The following B4GALT6 variants were observed in gnomAD, a reference collection of about 807,000 sequenced individuals.
B4GALT6 encodes the protein UDP-Gal:beta-GlcNAc beta-1,4-galactosyltransferase 6.
In B4GALT6, 14 loss-of-function variants were observed where a neutral mutation model predicts 46.3. The ratio of observed to expected loss-of-function variants is 0.30; its 90% confidence interval spans 0.20 to 0.47. The LOEUF (loss-of-function observed/expected upper bound fraction) is 0.47, where lower values mean the gene tolerates loss of function less well. Among genes scored for constraint, B4GALT6 ranks in the 20% least tolerant of loss-of-function variants. The probability of loss-of-function intolerance (pLI) is 0.99; values close to 1 mark genes in which losing one functional copy is unlikely to be tolerated. For synonymous variants in B4GALT6, 168 were observed against 162.0 expected (o/e 1.04, Z -0.28); for missense variants, 386 against 480.1 (o/e 0.80, Z 1.83).
Position 31,645,373 on chromosome 18 carries a change from G to A in B4GALT6, c.453C>T (p.Asp151=), listed in dbSNP as rs1045401991. ...ACCTCACCTTCCATCTGGGTTTACA[G>A]TCTTTTGGCCTCCAATGACCCCCTG... is the stretch of plus-strand genomic sequence containing the variant. ...IEPGGHWRPK[D]CKPRWKVAVL... The change falls in exon 4 of 9, where the codon GAC becomes GAT. Residue 151 remains aspartate, a synonymous_variant. Coordinates refer to ENST00000306851, the MANE Select transcript of B4GALT6 (RefSeq NM_004775.5). 1.2e-6 allele frequency: 2 copies of A among 1,613,622 alleles called. No individual in the cohort carries two copies.
At chr18:31,673,006 A>T (rs1217635237) in intron 1 of B4GALT6, among the ~76,000 whole-genome samples, 2 of 152,236 alleles carry the variant, frequency 1.3e-5, no homozygotes, top group Non-Finnish European at 2.9e-5. Context: ...AAAATAAGTG[A>T]TTAGCAAGGT....
At chr18:31,679,055 C>T (rs374109930) in intron 1 of B4GALT6, among the ~76,000 whole-genome samples, 1 of 152,220 alleles carries the variant, frequency 6.6e-6, no homozygotes, top group East Asian at 1.9e-4. Flanking sequence ...ACCTATTACA[C>T]ACAGACACTA....
In B4GALT6 at chr18:31,684,312, C is replaced by A; in HGVS notation, c.115G>T (p.Ala39Ser). The change falls in exon 1 of 9, where the codon GCC (alanine) becomes TCC (serine). Residue 39 changes from alanine to serine, a missense_variant and splice_region_variant. By Grantham distance (99) the Ala-to-Ser change is moderately conservative. Around this residue, in one of 2 missense-constraint regions of B4GALT6, gnomAD observed 323 missense variants for 438.9 expected, o/e 0.74. Transcript: ENST00000306851. ...AGCGAGGGTGTGTCTCGGTGCTTAC[C>A]GATGCCTGGGGCCACATAGATGAAG... ...LYFIYVAPGI[A>S]NTYLFMVQAR... 6.2e-7 allele frequency: 1 copy of A among 1,613,066 alleles called. No individual in the cohort carries two copies. Among genetic ancestry groups the A allele is most frequent in the South Asian group, 1.1e-5 (1 of 91,010 alleles).
chr18:31,702,285 T>C, the B4GALT6 span, among the ~76,000 whole-genome samples: 1 of 152,238 alleles, frequency 6.6e-6, no homozygotes, highest in Admixed American at 6.5e-5. Context: ...TTAAAAATTA[T>C]CCTGCAGTTA....
At chr18:31,649,422 A>T (rs909177568) in intron 3 of B4GALT6, among the ~76,000 whole-genome samples, 9 of 152,096 alleles carry the variant, frequency 5.9e-5, no homozygotes, top group African/African-American at 1.7e-4. Context: ...GCTTCCACCT[A>T]CCTGCATTTC....
the B4GALT6 span, among the ~76,000 whole-genome samples, chr18:31,700,660 G>A: frequency 1.3e-4 from 20 of 151,996 alleles, no homozygotes; most frequent in African/African-American, 4.8e-4. Flanking sequence ...GTTTCACCGT[G>A]TTAGCCAGGA....
chr18:31,670,728 C>T lies in B4GALT6; in HGVS notation c.116-4356G>A, dbSNP rs200087348. 3.3e-5 allele frequency among the ~76,000 whole-genome samples: 5 copies of T among 152,118 alleles called. No homozygotes were observed. The East Asian group carries it at 9.6e-4, about 29-fold the overall frequency. On this transcript the variant is annotated intron_variant, in intron 1 of 8. Transcript: ENST00000306851. ...TATGTTAACCCAAATCCAAAACTTG[C>T]TTATTAGTAGTAGTATAAAATGTAA...
At chr18:31,720,836 G>A in the B4GALT6 span, among the ~76,000 whole-genome samples, 2 of 152,228 alleles carry the variant, frequency 1.3e-5, no homozygotes, top group Admixed American at 6.5e-5. Context: ...TTATTTGGGT[G>A]TGCACAGAAG....
the B4GALT6 span, among the ~76,000 whole-genome samples, chr18:31,695,482 C>T: frequency 1.3e-5 from 2 of 151,976 alleles, no homozygotes; most frequent in Non-Finnish European, 2.9e-5. Context: ...GCCACTGCCT[C>T]CTGTAGGAGA....
chr18:31,652,316 T>G (rs1481847499), intron 3 of B4GALT6, among the ~76,000 whole-genome samples: 1 of 152,238 alleles, frequency 6.6e-6, no homozygotes, highest in Non-Finnish European at 1.5e-5. Flanking sequence ...ATTCGTTTTC[T>G]GCACCAAATT....
the B4GALT6 span, among the ~76,000 whole-genome samples, chr18:31,702,170 A>G: frequency 6.6e-6 from 1 of 152,368 alleles, no homozygotes; most frequent in African/African-American, 2.4e-5. Context: ...ATGGCAAGAC[A>G]CTGTCAATGG....
upstream of B4GALT6, among the ~76,000 whole-genome samples, chr18:31,684,914 G>C (rs1030436343): frequency 6.7e-6 from 1 of 149,346 alleles, no homozygotes; most frequent in African/African-American, 2.4e-5. Flanking sequence ...CGGGCCGCCC[G>C]CGTCCGCTCG....
At chr18:31,700,473 G>C in the B4GALT6 span, among the ~76,000 whole-genome samples, 1 of 151,576 alleles carries the variant, frequency 6.6e-6, no homozygotes, top group Non-Finnish European at 1.5e-5. Flanking sequence ...GTGTGTGAGA[G>C]AGAGACAGAG....
In B4GALT6 at chr18:31,670,156, C is replaced by T. The variant is rs546659343; in HGVS notation, c.116-3784G>A. 3.3e-5 allele frequency among the ~76,000 whole-genome samples: 5 copies of T among 151,966 alleles called. No homozygotes were observed. In the East Asian group the frequency reaches 7.7e-4, roughly 24 times the overall value. ...GTAACCTCCACCTCCTGGGCTCAAG[C>T]GATCCTCCCACCTCAGTCTCACAAG... On this transcript the variant is annotated intron_variant, in intron 1 of 8. Transcript: ENST00000306851.
intron 3 of B4GALT6, among the ~76,000 whole-genome samples, chr18:31,648,403 A>G (rs1437707502): frequency 6.6e-6 from 1 of 152,204 alleles, no homozygotes; most frequent in Non-Finnish European, 1.5e-5. Context: ...GTTAGAAAGG[A>G]AAGAGCAGGA....
intron 4 of B4GALT6, among the ~76,000 whole-genome samples, chr18:31,639,172 G>T (rs893780807): frequency 1.7e-4 from 26 of 152,178 alleles, no homozygotes; most frequent in Non-Finnish European, 2.1e-4. Flanking sequence ...TAAACTAACA[G>T]GAGGATAAAG....
intron 1 of B4GALT6, among the ~76,000 whole-genome samples, chr18:31,670,109 G>C (rs560571853): frequency 4.0e-5 from 6 of 150,792 alleles, no homozygotes; most frequent in African/African-American, 1.5e-4. Context: ...GTTGGAGTGC[G>C]GTAGCTCCAC....
At chr18:31,712,287 ATTTT>A in the B4GALT6 span, among the ~76,000 whole-genome samples, 3 of 84,640 alleles carry the variant, frequency 3.5e-5, no homozygotes, top group African/African-American at 1.5e-4. Context: ...CTGGGACGTT[ATTTT>A]TTTTTTTTTT....
intron 1 of B4GALT6, among the ~76,000 whole-genome samples, chr18:31,675,906 T>C (rs1236018598): frequency 6.6e-6 from 1 of 152,182 alleles, no homozygotes; most frequent in Admixed American, 6.5e-5. Context: ...CACCTCCAAT[T>C]TACTTGTGTT....
Sources: allele counts gnomAD v4.1 joint callset (sites outside exome capture counted in the v4.1 genomes callset), GRCh38; gene constraint gnomAD v4.1.1; regional missense constraint gnomAD v4.1.1; transcripts MANE v1.5; gene names NCBI Gene and HGNC (gene_info 2026-07-23, HGNC 2026-07-21).